The following LRIG2 variants were observed in gnomAD, a reference collection of about 807,000 sequenced individuals.
The protein encoded by LRIG2 is leucine rich repeats and immunoglobulin like domains 2.
In LRIG2, 93 loss-of-function variants were observed where a neutral mutation model predicts 107.8. The observed-to-expected ratio is 0.86, with a 90% CI of 0.73 to 1.03. The LOEUF (loss-of-function observed/expected upper bound fraction) is 1.03, where lower values mean the gene tolerates loss of function less well. Among genes scored for constraint, LRIG2 ranks in the 50% least tolerant of loss-of-function variants. The probability of loss-of-function intolerance (pLI) is 0.00; values close to 1 mark genes in which losing one functional copy is unlikely to be tolerated. For synonymous variants in LRIG2, 471 were observed against 470.6 expected (o/e 1.00, Z -0.01); for missense variants, 1,226 against 1,296.0 (o/e 0.95, Z 0.83).
intron 13 of LRIG2, among the ~76,000 whole-genome samples, chr1:113,111,377 A>G (rs1570762896): frequency 6.6e-6 from 1 of 152,256 alleles, no homozygotes; most frequent in Admixed American, 6.5e-5. Context: ...TTTTTTTCCC[A>G]TGGATGAATT....
chr1:113,104,522 CTT>C (rs796145930), intron 11 of LRIG2, among the ~76,000 whole-genome samples: 62 of 145,382 alleles, frequency 4.3e-4, no homozygotes, highest in African/African-American at 1.5e-3. Context: ...AAATAAAAGT[CTT>C]TTTTTTTTTT....
intron 1 of LRIG2, among the ~76,000 whole-genome samples, chr1:113,089,690 T>TTTG (rs1653710619): frequency 7.2e-6 from 1 of 138,846 alleles, no homozygotes; most frequent in Admixed American, 7.5e-5. Flanking sequence ...TTTTTTTTTT[T>TTTG]TTTTTTTTGG....
rs1489085141 is a variant in LRIG2, at chr1:113,129,667, T to A, written c.*5566T>A. 1.3e-5 allele frequency: 2 copies of A among 152,202 alleles called. No homozygotes were observed. The highest frequency in any genetic ancestry group is 2.9e-5 in the Non-Finnish European group (2 of 68,044). 9.4% of individuals were successfully genotyped at this position (152,202 alleles called of 1,614,324 possible). ...ATGAGTATTTCTTCCAGCAGAATCATGTCTGCCTAATGCTAATCAGGAATG... is the reference window on the plus strand; with the variant it reads ...ATGAGTATTTCTTCCAGCAGAATCAAGTCTGCCTAATGCTAATCAGGAATG... On this transcript the variant is annotated 3_prime_UTR_variant, in exon 18 of 18. Coordinates refer to ENST00000361127, the MANE Select transcript of LRIG2 (RefSeq NM_014813.3).
chr1:113,109,279 C>A (rs1654670725), intron 12 of LRIG2, among the ~76,000 whole-genome samples: 1 of 152,178 alleles, frequency 6.6e-6, no homozygotes, highest in African/African-American at 2.4e-5. Context: ...AATTTATATA[C>A]CTGCTTCTCT....
chr1:113,078,910 G>T (rs1244321084), intron 1 of LRIG2, among the ~76,000 whole-genome samples: 1 of 152,100 alleles, frequency 6.6e-6, no homozygotes, highest in Non-Finnish European at 1.5e-5. Context: ...AAAGTGTTGG[G>T]ATTACAGTTG....
At chr1:113,083,706 G>A (rs1356992495) in intron 1 of LRIG2, among the ~76,000 whole-genome samples, 1 of 151,518 alleles carries the variant, frequency 6.6e-6, no homozygotes, top group Non-Finnish European at 1.5e-5. Context: ...TGCCCATCAG[G>A]CTTTGGGTTA....
At chr1:113,094,574 A>C in intron 5 of LRIG2, 38 bp from the exon 6 acceptor site, 5 of 1,594,662 alleles carry the variant, frequency 3.1e-6, no homozygotes, top group Non-Finnish European at 4.3e-6. Context: ...ACATTTTAGC[A>C]AACCAATTTC....
At chr1:113,076,050 G>A (rs1652969113) in intron 1 of LRIG2, among the ~76,000 whole-genome samples, 1 of 151,118 alleles carries the variant, frequency 6.6e-6, no homozygotes. Context: ...CTGTCACCCA[G>A]GCTGGAGTGC....
intron 8 of LRIG2, among the ~76,000 whole-genome samples, chr1:113,097,680 G>A (rs1570746729): frequency 6.6e-6 from 1 of 152,200 alleles, no homozygotes; most frequent in East Asian, 1.9e-4. Flanking sequence ...AGTAATAGCA[G>A]AAGTAAATGG....
chr1:113,075,712 T>TTTTAGATG (rs1652947973), intron 1 of LRIG2, among the ~76,000 whole-genome samples: 1 of 148,964 alleles, frequency 6.7e-6, no homozygotes, highest in Non-Finnish European at 1.5e-5. Flanking sequence ...TTTTTTTTTT[T>TTTTAGATG]GAGATGGAGT....
At chr1:113,120,883 A>G (rs574267770) in intron 17 of LRIG2, among the ~76,000 whole-genome samples, 57 of 147,542 alleles carry the variant, frequency 3.9e-4, no homozygotes, top group African/African-American at 1.3e-3. Context: ...CAGTGGCGTG[A>G]TCTCAACTCA....
intron 13 of LRIG2, 26 bp from the exon 14 acceptor site, chr1:113,112,453 T>A (rs571780017): frequency 1.3e-6 from 2 of 1,588,604 alleles, no homozygotes; most frequent in South Asian, 2.3e-5. Flanking sequence ...TTGCCCACTT[T>A]TTCTTGGTGA....
intron 16 of LRIG2, 111 bp from the exon 17 acceptor site, chr1:113,119,122 A>T: frequency 1.1e-6 from 1 of 926,190 alleles, no homozygotes; most frequent in Non-Finnish European, 1.7e-6. Context: ...TTATAAAGTA[A>T]GTGCTCAATA....
At chr1:113,091,224 A>G (rs1653806192) in intron 1 of LRIG2, 94 bp from the exon 2 acceptor site, 2 of 797,940 alleles carry the variant, frequency 2.5e-6, no homozygotes, top group South Asian at 3.8e-5. Flanking sequence ...GTACCTGGCC[A>G]AGAGGACTTT....
Position 113,116,376 on chromosome 1 carries a change from G to A in LRIG2, c.2620G>A (p.Ala874Thr), listed in dbSNP as rs1183191462. The A allele has an allele frequency of 1.9e-6, 3 of 1,613,982 alleles. No individual in the cohort carries two copies. The East Asian group carries it at 6.7e-5, about 36-fold the overall frequency. ...ACAGGAAGGCTACAGCAACTCTGAG[G>A]CAGGCAGTCATCAGCAACTTATGCC... ...EPQEGYSNSE[A>T]GSHQQLMPPA... The change falls in exon 16 of 18, where the codon GCA becomes ACA. Residue 874 changes from alanine to threonine, a missense_variant. This residue lies in a region of LRIG2 where 642 missense variants were observed against 712.2 expected (regional missense o/e 0.90). Transcript: ENST00000361127.
intron 1 of LRIG2, among the ~76,000 whole-genome samples, chr1:113,083,119 C>G (rs1653364215): frequency 6.6e-6 from 1 of 152,046 alleles, no homozygotes; most frequent in South Asian, 2.1e-4. Flanking sequence ...CCATGTTGCC[C>G]AGGCTGGTCT....
Position 113,110,498 on chromosome 1 carries a change from T to G in LRIG2, c.1734T>G (p.Tyr578Ter). The G allele has an allele frequency of 6.2e-7, 1 of 1,613,576 alleles. No individual in the cohort carries two copies. The highest frequency in any genetic ancestry group is 8.5e-7 in the Non-Finnish European group (1 of 1,179,436). Reference sequence around the variant, plus strand: ...TGAATTTCACAGATGAAGGAAAATATCAGTGTATTGTTACTAATCACTTTG... The same window carrying G: ...TGAATTTCACAGATGAAGGAAAATAGCAGTGTATTGTTACTAATCACTTTG... ...FNVNFTDEGKYQCIVTNHFGS... is the reference protein window; with the variant it reads ...FNVNFTDEGK Residue 578 changes from tyrosine (Y) to a stop codon, truncating the protein, a stop_gained, in exon 13 of 18, where the codon TAT becomes TAG. Transcript: ENST00000361127. LOFTEE classifies it high-confidence loss of function.
At chr1:113,120,897 C>T (rs1655224497) in intron 17 of LRIG2, among the ~76,000 whole-genome samples, 1 of 148,482 alleles carries the variant, frequency 6.7e-6, no homozygotes, top group Non-Finnish European at 1.5e-5. Flanking sequence ...CAACTCACTG[C>T]AACCTCTGCC....
intron 17 of LRIG2, among the ~76,000 whole-genome samples, chr1:113,122,155 T>A (rs1467689956): frequency 7.1e-6 from 1 of 140,790 alleles, no homozygotes; most frequent in Non-Finnish European, 1.5e-5. Flanking sequence ...CGATCTCGGC[T>A]CACTGCAACC....
Sources: allele counts gnomAD v4.1 joint callset (sites outside exome capture counted in the v4.1 genomes callset), GRCh38; gene constraint gnomAD v4.1.1; regional missense constraint gnomAD v4.1.1; transcripts MANE v1.5; gene names NCBI Gene and HGNC (gene_info 2026-07-23, HGNC 2026-07-21).